DPY19L2: variants seen among roughly 807,000 people sequenced by gnomAD.
DPY19L2 encodes dpy-19 like 2.
Under a neutral mutation model 97.9 loss-of-function variants are expected in DPY19L2, and 34 were observed. The ratio of observed to expected loss-of-function variants is 0.35; its 90% CI spans 0.26 to 0.46. The LOEUF is 0.46. DPY19L2 is among the 20% of genes least tolerant of loss of function. The probability of loss-of-function intolerance (pLI) is 1.00; values close to 1 mark genes in which losing one functional copy is unlikely to be tolerated. For synonymous variants in DPY19L2, 230 were observed against 307.9 expected, an observed-to-expected ratio of 0.75 and a Z score of 2.65; for missense variants, 623 against 911.4, an observed-to-expected ratio of 0.68 and a Z score of 4.07.
chr12:63,638,307 G>T (rs1892100418), intron 6 of DPY19L2, among the ~76,000 whole-genome samples: 4 of 152,272 alleles, frequency 2.6e-5, no homozygotes, highest in Admixed American at 6.5e-5. Context: ...ACAAGACAGG[G>T]TTGCCCTCTC....
chr12:63,620,978 A>T (rs1312970628), intron 9 of DPY19L2, among the ~76,000 whole-genome samples: 1 of 151,824 alleles, frequency 6.6e-6, no homozygotes, highest in Non-Finnish European at 1.5e-5. Context: ...ACATGTTCTC[A>T]CTTATAAGTG....
chr12:63,630,001 C>T (rs982727991), intron 6 of DPY19L2, among the ~76,000 whole-genome samples: 11 of 152,108 alleles, frequency 7.2e-5, no homozygotes, highest in Admixed American at 7.2e-4. Flanking sequence ...AAATCCTTTA[C>T]AGACAAGCAA....
At position 63,589,357 on chromosome 12, in the gene DPY19L2, CAAAAAAAAAAAAAA is replaced by C. The variant is rs71086687; in HGVS notation, c.1580+4716_1580+4729del. ...AATGTGGCTAGATAAAAATGTGTTG[CAAAAAAAAAAAAAA>C]AAAAAAAAAAAAAAAAAAAAAGTAA... is the stretch of plus-strand genomic sequence containing the variant. On this transcript the variant is annotated intron_variant, in intron 16 of 21. Coordinates refer to ENST00000324472, the MANE Select transcript of DPY19L2 (RefSeq NM_173812.5). Among the ~76,000 whole-genome samples, 80 of 18,992 alleles carry C rather than the reference CAAAAAAAAAAAAAA, an allele frequency of 4.2e-3. 1 individual carries two copies. The highest frequency in any genetic ancestry group is 6.0e-3 in the South Asian group (1 of 168). 12.5% of individuals were successfully genotyped at this position (18,992 alleles called of 152,430 possible).
Position 63,560,502 on chromosome 12 carries a change from A to G in DPY19L2, c.*10T>C. 6.2e-7 allele frequency: 1 copy of G among 1,612,472 alleles called. No homozygotes were observed. Among genetic ancestry groups the G allele is most frequent in the Non-Finnish European group, 8.5e-7 (1 of 1,179,166 alleles). ...GGCATTGTGCCATAGTAAAATGGGTAGTATCCTTCTCAGTTAACCTTTAAT... is the reference window on the plus strand; with the variant it reads ...GGCATTGTGCCATAGTAAAATGGGTGGTATCCTTCTCAGTTAACCTTTAAT... On this transcript the variant is annotated 3_prime_UTR_variant, in exon 22 of 22. Transcript: ENST00000324472.
chr12:63,629,692 T>A (rs2137912116), intron 6 of DPY19L2, among the ~76,000 whole-genome samples: 1 of 152,180 alleles, frequency 6.6e-6, no homozygotes, highest in East Asian at 1.9e-4. Context: ...CAGGCCAACA[T>A]TCAAATTCAG....
intron 6 of DPY19L2, among the ~76,000 whole-genome samples, chr12:63,638,929 C>A (rs1187468249): frequency 2.6e-5 from 4 of 152,018 alleles, no homozygotes; most frequent in African/African-American, 9.7e-5. Context: ...AAGCTGGAGA[C>A]ATCACGCTAC....
intron 19 of DPY19L2, among the ~76,000 whole-genome samples, chr12:63,573,870 G>C (rs541255538): frequency 8.5e-5 from 13 of 152,176 alleles, no homozygotes; most frequent in African/African-American, 3.1e-4. Flanking sequence ...AGACTTCCCA[G>C]TGAAACAAAA....
rs1292567133 is a variant in DPY19L2 at position 63,559,056 on chromosome 12, T to C, written c.*1456A>G. ...TTTCCTGTAAAAACATCATCCAAAA[T>C]ATACTTTGTTAATTTTTATGAATGT... On this transcript the variant is annotated 3_prime_UTR_variant, in exon 22 of 22. Transcript: ENST00000324472. 6.6e-6 allele frequency: 1 copy of C among 152,192 alleles called. No homozygotes were observed. Among genetic ancestry groups the C allele is most frequent in the Admixed American group, 6.5e-5 (1 of 15,276 alleles). The allele number at this position is 152,192 out of a possible 1,614,324, so 9.4% of individuals were successfully genotyped here.
chr12:63,663,364 T>C lies in DPY19L2; in HGVS notation c.450+394A>G, dbSNP rs183250908. ...AAGTTATCTCTTAAAAGAGATTATC[T>C]TGAAATCAAAAGAAAGCCAAATAAT... On this transcript the variant is annotated intron_variant, in intron 3 of 21. Coordinates refer to ENST00000324472, the MANE Select transcript of DPY19L2 (RefSeq NM_173812.5). 2.9e-3 allele frequency among the ~76,000 whole-genome samples: 436 copies of C among 152,286 alleles called. 3 individuals are homozygous for C. Among genetic ancestry groups the C allele is most frequent in the African/African-American group, 9.9e-3 (413 of 41,556 alleles).
chr12:63,641,479 C>G (rs187588858), intron 6 of DPY19L2, among the ~76,000 whole-genome samples: 94 of 152,172 alleles, frequency 6.2e-4, no homozygotes, highest in African/African-American at 2.2e-3. Context: ...TTGAGATTAT[C>G]AACATAACCA....
intron 20 of DPY19L2, among the ~76,000 whole-genome samples, chr12:63,569,957 T>C (rs1878486925): frequency 6.6e-6 from 1 of 152,128 alleles, no homozygotes; most frequent in Non-Finnish European, 1.5e-5. Context: ...ATTTCAAGCA[T>C]ATGGGATGCT....
intron 4 of DPY19L2, among the ~76,000 whole-genome samples, chr12:63,659,477 G>GTT (rs34042733): frequency 0.016 from 2,361 of 148,056 alleles, 27 homozygotes; most frequent in African/African-American, 0.05. Context: ...ATCACAGCAG[G>GTT]TTTTTTTTTT....
chr12:63,627,764 C>T (rs1889824140), intron 6 of DPY19L2, among the ~76,000 whole-genome samples: 1 of 152,308 alleles, frequency 6.6e-6, no homozygotes, highest in South Asian at 2.1e-4. Flanking sequence ...CCTCCATACA[C>T]CACTTCCCTA....
chr12:63,595,028 G>A (rs1446913753), intron 15 of DPY19L2, among the ~76,000 whole-genome samples: 2 of 152,184 alleles, frequency 1.3e-5, no homozygotes, highest in African/African-American at 2.4e-5. Context: ...CACGTGGTCT[G>A]CAGGGAACTG....
intron 4 of DPY19L2, among the ~76,000 whole-genome samples, chr12:63,649,772 T>C (rs1230878270): frequency 1.3e-5 from 2 of 152,260 alleles, no homozygotes; most frequent in East Asian, 1.9e-4. Context: ...ATACCAATCA[T>C]ACTGAAACTA....
At chr12:63,600,157 T>C (rs1194422575) in intron 13 of DPY19L2, 149 bp downstream of exon 13, 1 of 554,006 alleles carries the variant, frequency 1.8e-6, no homozygotes, top group East Asian at 2.9e-5. Context: ...TGCAAGACTT[T>C]ATTATTGACT....
chr12:63,587,113 AAAAG>A (rs1881926725), intron 16 of DPY19L2, among the ~76,000 whole-genome samples: 1 of 152,184 alleles, frequency 6.6e-6, no homozygotes, highest in Non-Finnish European at 1.5e-5. Context: ...AAATCTATAA[AAAAG>A]AAAGCAGATG....
Position 63,608,636 on chromosome 12 carries a change from C to T in DPY19L2, c.1258G>A (p.Val420Ile), listed in dbSNP as rs560371115. Residue 420 changes from valine to isoleucine, a missense_variant, in exon 12 of 22, where the codon GTA becomes ATA. Val to Ile is a conservative substitution (Grantham distance 29, BLOSUM62 3). Around this residue, in one of 6 missense-constraint regions of DPY19L2, gnomAD observed 294 missense variants for 446.2 expected, o/e 0.66. Coordinates refer to ENST00000324472, the MANE Select transcript of DPY19L2 (RefSeq NM_173812.5). The stretch of plus-strand genomic sequence containing the variant: ...CTTACCCAAAAGTTGAGTTTAGATA[C>T]TCCCAGTTTTTGAATTTCATTTCTC... ...LKRNEIQKLG[V>I]SKLNFWLIQG... is the part of the protein sequence containing the mutation. The T allele has an allele frequency of 2.5e-4, 376 of 1,499,170 alleles. 2 individuals are homozygous for T. In the African/African-American group the frequency reaches 4.5e-3, roughly 18 times the overall value. The allele number at this position is 1,499,170 out of a possible 1,614,324, so 92.9% of individuals were successfully genotyped here.
At chr12:63,606,857 T>C (rs1483097545) in intron 12 of DPY19L2, among the ~76,000 whole-genome samples, 1 of 152,158 alleles carries the variant, frequency 6.6e-6, no homozygotes, top group Admixed American at 6.5e-5. Flanking sequence ...ATGAGCTCAA[T>C]TCAACAATTA....
Sources: gnomAD v4.1 joint callset for allele counts (sites outside exome capture counted in the v4.1 genomes callset) on GRCh38, gnomAD v4.1.1 for gene constraint, gnomAD v4.1.1 regional missense constraint, MANE v1.5 for transcripts, NCBI Gene and HGNC (gene_info 2026-07-23, HGNC 2026-07-21) for gene names.